PLEKHA5: variants seen among roughly 807,000 people sequenced by gnomAD.
The protein encoded by PLEKHA5 is pleckstrin homology domain containing A5.
Under a neutral mutation model 181.9 loss-of-function variants are expected in PLEKHA5, and 55 were observed. The ratio of observed to expected loss-of-function variants is 0.30; its 90% confidence interval spans 0.24 to 0.38. The LOEUF (loss-of-function observed/expected upper bound fraction) is 0.38. Ranked by LOEUF, PLEKHA5 falls within the 10% of genes least tolerant of loss-of-function variation. The probability of loss-of-function intolerance (pLI) is 1.00; values close to 1 mark genes in which losing one functional copy is unlikely to be tolerated. For missense variants in PLEKHA5, 1,432 were observed against 1,549.5 expected (o/e 0.92, Z 1.27); for synonymous variants, 535 against 529.4 (o/e 1.01, Z -0.15).
intron 21 of PLEKHA5, among the ~76,000 whole-genome samples, chr12:19,337,908 G>A (rs1016958413): frequency 4.0e-5 from 6 of 151,828 alleles, no homozygotes; most frequent in African/African-American, 1.5e-4. Flanking sequence ...GCAGGCACCT[G>A]TAATCCCAGC....
chr12:19,334,862 A>ATATATATATATATATATATATATATC (rs1565630250), intron 20 of PLEKHA5, among the ~76,000 whole-genome samples: 1 of 62,690 alleles, frequency 1.6e-5, no homozygotes, highest in African/African-American at 4.8e-5. Flanking sequence ...ATATATATAT[A>ATATATATATATATATATATATATATC]TATATATCTC....
intron 3 of PLEKHA5, among the ~76,000 whole-genome samples, chr12:19,172,425 T>C (rs2151687688): frequency 6.8e-6 from 1 of 146,228 alleles, no homozygotes; most frequent in Admixed American, 6.8e-5. Context: ...CATAAAGAAC[T>C]CCCAAAACTC....
Position 19,359,444 on chromosome 12 carries a change from T to A in PLEKHA5, c.3381T>A (p.Thr1127=). ...GGAGGGATGATAAGGAACTGGACAC[T>A]GCCATTAGAGAAAATGATGTAAAGC... ...TRRRDDKELD[T]AIRENDVKPD... The change falls in exon 28 of 32, where the codon ACT becomes ACA. Residue 1127 remains threonine (T), a synonymous_variant. Coordinates refer to ENST00000429027, the MANE Select transcript of PLEKHA5 (RefSeq NM_001256470.2). 1.9e-6 allele frequency: 3 copies of A among 1,613,578 alleles called. No individual in the cohort carries two copies. The highest frequency in any genetic ancestry group is 2.5e-6 in the Non-Finnish European group (3 of 1,179,550).
chr12:19,283,891 A>G, intron 12 of PLEKHA5, 146 bp downstream of exon 12: 1 of 601,070 alleles, frequency 1.7e-6, no homozygotes, highest in South Asian at 2.2e-5. Flanking sequence ...ATAAATAAAA[A>G]TATTTTACAA....
chr12:19,369,027 G>C (rs1334400287), intron 30 of PLEKHA5, among the ~76,000 whole-genome samples: 1 of 151,754 alleles, frequency 6.6e-6, no homozygotes, highest in South Asian at 2.1e-4. Flanking sequence ...TTGTTTGTTT[G>C]TTTTTTGTTG....
chr12:19,302,016 A>G (rs2081609346), intron 15 of PLEKHA5, among the ~76,000 whole-genome samples: 1 of 152,184 alleles, frequency 6.6e-6, no homozygotes, highest in African/African-American at 2.4e-5. Flanking sequence ...TGGGCACATC[A>G]AATTCTTTAG....
rs1376253406 is a variant in PLEKHA5 at position 19,231,818 on chromosome 12, A to G, written c.228-22122A>G. On this transcript the variant is annotated intron_variant, in intron 3 of 31. Transcript: ENST00000429027. ...TAAGTTTTTATACTACATTTGTTGC[A>G]TATATACTCTGACTGGAAATTTTTC... is the stretch of plus-strand genomic sequence containing the variant. Among the ~76,000 whole-genome samples the G allele has an allele frequency of 3.9e-5, 6 of 152,032 alleles. No homozygotes were observed. The East Asian group carries it at 1.2e-3, about 29-fold the overall frequency.
intron 9 of PLEKHA5, 62 bp downstream of exon 9, chr12:19,269,947 G>T (rs1375412166): frequency 2.3e-6 from 2 of 871,730 alleles, no homozygotes; most frequent in Non-Finnish European, 1.9e-6. Flanking sequence ...TGCCTTGCAA[G>T]TATTTCACTG....
At chr12:19,368,498 AAAAT>A (rs1452725335) in intron 30 of PLEKHA5, among the ~76,000 whole-genome samples, 3 of 152,060 alleles carry the variant, frequency 2.0e-5, no homozygotes, top group Admixed American at 6.6e-5. Flanking sequence ...CCTGTCTCAA[AAAAT>A]AAATAAATAG....
Position 19,257,499 on chromosome 12 carries a change from A to C in PLEKHA5, c.499A>C (p.Asn167His), listed in dbSNP as rs761821379. Residue 167 changes from asparagine to histidine, a missense_variant, in exon 6 of 32, where the codon AAT becomes CAT. Asn to His is a moderately conservative substitution (Grantham distance 68). Transcript: ENST00000429027. ...GTCAAATTCAATTAAAAGGAATCCTAATGCACCGGTTGTCAGACGAGGTTG... is the reference window on the plus strand; with the variant it reads ...GTCAAATTCAATTAAAAGGAATCCTCATGCACCGGTTGTCAGACGAGGTTG... The part of the protein sequence containing the change: ...KRSNSIKRNP[N>H]APVVRRGWLY... 6.2e-7 allele frequency: 1 copy of C among 1,607,892 alleles called. No homozygotes were observed. Among genetic ancestry groups the C allele is most frequent in the Admixed American group, 1.7e-5 (1 of 59,654 alleles).
chr12:19,250,970 G>A (rs775144982), intron 3 of PLEKHA5, among the ~76,000 whole-genome samples: 11 of 152,082 alleles, frequency 7.2e-5, no homozygotes, highest in Non-Finnish European at 1.5e-4. Context: ...GATAGGAACC[G>A]AATAAAAATG....
At chr12:19,164,757 G>C (rs1019062599) in intron 3 of PLEKHA5, among the ~76,000 whole-genome samples, 7 of 152,040 alleles carry the variant, frequency 4.6e-5, no homozygotes, top group Non-Finnish European at 7.4e-5. Flanking sequence ...TGTTCTCCCT[G>C]AGTGGCCTTA....
At chr12:19,280,036 GTTTTTT>G (rs869050795) in intron 11 of PLEKHA5, among the ~76,000 whole-genome samples, 4 of 54,504 alleles carry the variant, frequency 7.3e-5, no homozygotes, top group East Asian at 1.2e-3. Context: ...AATGAAACCT[GTTTTTT>G]TTTTTTTTTT....
intron 24 of PLEKHA5, among the ~76,000 whole-genome samples, chr12:19,347,767 GC>G (rs2094409224): frequency 6.6e-6 from 1 of 152,012 alleles, no homozygotes; most frequent in African/African-American, 2.4e-5. Context: ...GCTGGGATGG[GC>G]CTCACTTAGA....
intron 7 of PLEKHA5, among the ~76,000 whole-genome samples, chr12:19,262,069 GT>G (rs1191650745): frequency 6.6e-6 from 1 of 151,958 alleles, no homozygotes; most frequent in East Asian, 1.9e-4. Flanking sequence ...TTTCTTAGGG[GT>G]TTTCTCACTC....
chr12:19,320,149 T>TAA (rs2090257875), intron 17 of PLEKHA5, 93 bp downstream of exon 17: 1 of 486,028 alleles, frequency 2.1e-6, no homozygotes, highest in South Asian at 3.1e-5. Flanking sequence ...ACACAGTGTG[T>TAA]GTTTATGTAT....
At chr12:19,322,168 T>A in intron 18 of PLEKHA5, 142 bp from the exon 19 acceptor site, 1 of 603,934 alleles carries the variant, frequency 1.7e-6, no homozygotes. Context: ...TGCATGCCTA[T>A]TTTTTAAGGA....
chr12:19,367,231 T>C (rs573490297), intron 30 of PLEKHA5, among the ~76,000 whole-genome samples: 2 of 148,792 alleles, frequency 1.3e-5, no homozygotes, highest in South Asian at 2.1e-4. Flanking sequence ...GGGATGGGAA[T>C]TAGTGCATAT....
intron 3 of PLEKHA5, among the ~76,000 whole-genome samples, chr12:19,245,738 A>C (rs904902583): frequency 6.6e-5 from 10 of 150,670 alleles, no homozygotes; most frequent in Non-Finnish European, 1.0e-4. Context: ...AAAAAAAAAA[A>C]AAAAAAAAAA....
Sources: gnomAD v4.1 joint callset for allele counts (sites outside exome capture counted in the v4.1 genomes callset) on GRCh38, gnomAD v4.1.1 for gene constraint, MANE v1.5 for transcripts, NCBI Gene and HGNC (gene_info 2026-07-23, HGNC 2026-07-21) for gene names.